CERS4: variants seen among roughly 807,000 people sequenced by gnomAD.
The protein encoded by CERS4 is ceramide synthase 4.
In CERS4, 65 loss-of-function variants were observed where a neutral mutation model predicts 51.8. That is an observed-to-expected ratio of 1.26 (90% confidence interval 1.03 to 1.54). CERS4 has a LOEUF of 1.54. Ranked by LOEUF, CERS4 falls within the 40% of genes most tolerant of loss-of-function variation. CERS4 has a pLI of 0.00. For synonymous variants in CERS4, 228 were observed against 208.4 expected (o/e 1.09, Z -0.81); for missense variants, 563 against 500.4 (o/e 1.13, Z -1.19).
At chr19:8,255,966 G>T in intron 6 of CERS4, 87 bp downstream of exon 6, 1 of 1,415,542 alleles carries the variant, frequency 7.1e-7, no homozygotes. Flanking sequence ...GAGTGGTGCA[G>T]CCAGAGAGGA....
At chr19:8,220,119 C>G (rs78284835) in intron 2 of CERS4, among the ~76,000 whole-genome samples, 1 of 152,044 alleles carries the variant, frequency 6.6e-6, no homozygotes, top group Non-Finnish European at 1.5e-5. Context: ...ATTTGCCCAC[C>G]GGCTCTCCTC....
chr19:8,231,094 G>C (rs2967628), intron 2 of CERS4, among the ~76,000 whole-genome samples: 129,783 of 152,194 alleles, frequency 0.85, 55,434 homozygotes, highest in African/African-American at 0.91. Context: ...CCACCTTGGC[G>C]TCTCAAAGTG....
intron 2 of CERS4, among the ~76,000 whole-genome samples, chr19:8,249,848 C>G (rs931810542): frequency 2.0e-5 from 3 of 151,964 alleles, no homozygotes; most frequent in African/African-American, 7.3e-5. Flanking sequence ...CTCGGCCTCC[C>G]AAAGTGCTGG....
chr19:8,228,932 G>T (rs1967895677), intron 2 of CERS4, among the ~76,000 whole-genome samples: 1 of 151,876 alleles, frequency 6.6e-6, no homozygotes, highest in African/African-American at 2.4e-5. Flanking sequence ...GCTGAGGCAG[G>T]AGAATCACTT....
intron 2 of CERS4, among the ~76,000 whole-genome samples, chr19:8,241,992 G>C (rs1303116741): frequency 6.6e-6 from 1 of 152,178 alleles, no homozygotes; most frequent in Non-Finnish European, 1.5e-5. Flanking sequence ...CTCAGGAGAA[G>C]TTGAGCCTTG....
At chr19:8,220,554 C>T (rs866981419) in intron 2 of CERS4, among the ~76,000 whole-genome samples, 1 of 152,202 alleles carries the variant, frequency 6.6e-6, no homozygotes, top group Non-Finnish European at 1.5e-5. Flanking sequence ...ATCTGCCCGC[C>T]TCGGCCTCCC....
chr19:8,218,786 A>G (rs1328517326), intron 2 of CERS4, among the ~76,000 whole-genome samples: 3 of 152,204 alleles, frequency 2.0e-5, no homozygotes, highest in African/African-American at 7.2e-5. Context: ...GACGATAGGT[A>G]GCCTCTGCCT....
intron 3 of CERS4, 119 bp downstream of exon 3, chr19:8,251,368 C>A: frequency 7.0e-7 from 1 of 1,429,758 alleles, no homozygotes. Context: ...TGCACCAAAG[C>A]GCGTTCCCTG....
chr19:8,261,173 T>TC, intron 10 of CERS4: 1 of 155,988 alleles, frequency 6.4e-6, no homozygotes, highest in East Asian at 1.9e-4. Flanking sequence ...CCCACCTCTG[T>TC]CCGGCTACCC....
chr19:8,256,713 G>A lies in CERS4; in HGVS notation c.612+3G>A, dbSNP rs374454794. 61 of 1,612,124 alleles carry A rather than the reference G, an allele frequency of 3.8e-5. No homozygotes were observed. The Middle Eastern group carries it at 1.5e-3, about 39-fold the overall frequency. ...TGCCCTTTGATGTCAAGCGCAAGGT[G>A]AGGCCAAATAAGAGTCTGGAAGACC... On this transcript the variant is annotated splice_donor_region_variant and intron_variant, in intron 8 of 11. Coordinates refer to ENST00000251363, the MANE Select transcript of CERS4 (RefSeq NM_024552.3).
intron 7 of CERS4, 111 bp downstream of exon 7, chr19:8,256,397 A>C: frequency 7.9e-7 from 1 of 1,259,928 alleles, no homozygotes; most frequent in Non-Finnish European, 1.1e-6. Context: ...TTCCCCACTG[A>C]GTCCCACGCT....
In CERS4 at chr19:8,245,001, G is replaced by A. The variant is rs1024729464; in HGVS notation, c.-1-6075G>A. On this transcript the variant is annotated intron_variant, in intron 2 of 11. Transcript: ENST00000251363. Reference sequence around the variant, plus strand: ...CTACTAAAAATACAAAAAATTAGCCGGGCGTAGTGGCGGGCACCTGTAGTC... The same window carrying A: ...CTACTAAAAATACAAAAAATTAGCCAGGCGTAGTGGCGGGCACCTGTAGTC... Among the ~76,000 whole-genome samples, 11 of 151,440 alleles carry A rather than the reference G, an allele frequency of 7.3e-5. No homozygotes were observed. The South Asian group carries it at 1.5e-3, about 20-fold the overall frequency.
rs1436309902 is a variant in CERS4, at chr19:8,248,454, T to C, written c.-1-2622T>C. On this transcript the variant is annotated intron_variant, in intron 2 of 11. Coordinates refer to ENST00000251363, the MANE Select transcript of CERS4 (RefSeq NM_024552.3). ...AAGTGAGTGATGGATGATGAGCGGA[T>C]AGATGTTTAGATGGGTGGACAGATG... Among the ~76,000 whole-genome samples, 5 of 151,510 alleles carry C rather than the reference T, an allele frequency of 3.3e-5. No homozygotes were observed. The East Asian group carries it at 5.9e-4, about 18-fold the overall frequency.
At chr19:8,237,587 A>G (rs1968321432) in intron 2 of CERS4, among the ~76,000 whole-genome samples, 1 of 152,086 alleles carries the variant, frequency 6.6e-6, no homozygotes, top group Non-Finnish European at 1.5e-5. Flanking sequence ...ATGGTGGCTT[A>G]TGCCTGTAAT....
At chr19:8,245,125 A>AACAAACAACAACAAAAAAACAAC (rs1555777253) in intron 2 of CERS4, among the ~76,000 whole-genome samples, 1 of 150,820 alleles carries the variant, frequency 6.6e-6, no homozygotes. Flanking sequence ...AAAAAAAAAA[A>AACAAACAACAACAAAAAAACAAC]AAAAAAAAAA....
rs773926082 is a variant in CERS4 at position 8,256,677 on chromosome 19, G to C, written c.579G>C (p.Leu193=). The change falls in exon 8 of 12, where the codon CTG becomes CTC. Residue 193 remains leucine (L), a synonymous_variant. Transcript: ENST00000251363. ...TGGAGCTGGGTTTCTACCTCTCACT[G>C]CTAATCAGGCTGCCCTTTGATGTCA... The part of the protein sequence containing the change: ...YLLELGFYLS[L]LIRLPFDVKR... 5.6e-6 allele frequency: 9 copies of C among 1,613,892 alleles called. No homozygotes were observed. Among genetic ancestry groups the C allele is most frequent in the Non-Finnish European group, 7.6e-6 (9 of 1,179,908 alleles).
chr19:8,256,770 G>GGGTAGGGC, intron 8 of CERS4, 60 bp downstream of exon 8: 1 of 1,582,266 alleles, frequency 6.3e-7, no homozygotes, highest in Non-Finnish European at 8.6e-7. Context: ...GGGTGCTGGG[G>GGGTAGGGC]GGTAGGGCAG....
At chr19:8,261,657 C>T (rs757498502) in intron 10 of CERS4, 31 bp from the exon 11 acceptor site, 1 of 1,612,124 alleles carries the variant, frequency 6.2e-7, no homozygotes, top group Admixed American at 1.7e-5. Context: ...GCTGGTCAAA[C>T]CCCAGCCTCC....
chr19:8,250,744 T>G (rs1599575954), intron 2 of CERS4: 1 of 959,408 alleles, frequency 1.0e-6, no homozygotes, highest in African/African-American at 1.7e-5. Context: ...CGTGAGCAAC[T>G]GCGCCCGGCC....
Sources: gnomAD v4.1 joint callset for allele counts (sites outside exome capture counted in the v4.1 genomes callset) on GRCh38, gnomAD v4.1.1 for gene constraint, MANE v1.5 for transcripts, NCBI Gene and HGNC (gene_info 2026-07-23, HGNC 2026-07-21) for gene names.